The following DST variants were observed in gnomAD, a reference collection of about 807,000 sequenced individuals.
DST encodes bullous pemphigoid antigen.
A neutral mutation model predicts 875.2 loss-of-function variants in DST; 253 were observed. That is an observed-to-expected ratio of 0.29 (90% CI 0.26 to 0.32). The LOEUF (loss-of-function observed/expected upper bound fraction) is 0.32. Ranked by LOEUF, DST falls within the 10% of genes least tolerant of loss-of-function variation. The probability of loss-of-function intolerance (pLI) is 1.00; values close to 1 mark genes in which losing one functional copy is unlikely to be tolerated. For synonymous variants in DST, 3,124 were observed against 3,197.1 expected (o/e 0.98, Z 0.77); for missense variants, 8,287 against 9,111.6 (o/e 0.91, Z 3.68).
At chr6:56,683,561 G>A (rs4073960) in intron 9 of DST, among the ~76,000 whole-genome samples, 41,144 of 151,992 alleles carry the variant, frequency 0.27, 7,244 homozygotes, top group African/African-American at 0.49. Flanking sequence ...TTCTCCCCAT[G>A]CTCAACGTGA....
At chr6:56,921,348 A>G (rs1371096593) in intron 2 of DST, among the ~76,000 whole-genome samples, 2 of 152,222 alleles carry the variant, frequency 1.3e-5, no homozygotes, top group African/African-American at 2.4e-5. Context: ...AGAAATATCA[A>G]CACCTTCAGA....
chr6:56,804,787 G>A (rs2099751230), intron 4 of DST, among the ~76,000 whole-genome samples: 1 of 152,046 alleles, frequency 6.6e-6, no homozygotes, highest in Admixed American at 6.6e-5. Context: ...GCCCATTACT[G>A]ATTCATAAAA....
At chr6:56,641,820 C>A in intron 17 of DST, 127 bp downstream of exon 17, 1 of 732,596 alleles carries the variant, frequency 1.4e-6, no homozygotes, top group Non-Finnish European at 2.1e-6. Flanking sequence ...ATGTGACACA[C>A]ATTTTCAACT....
At position 56,517,576 on chromosome 6, in the gene DST, T is replaced by A. The variant is rs776341010; in HGVS notation, c.18174A>T (p.Thr6058=). 1 of 1,613,358 alleles carries A rather than the reference T, an allele frequency of 6.2e-7. No homozygotes were observed. ...CACCCAGAGACATCAATTTTTTTTC[T>A]GTTTCAGTAATCCAGGATAACTCAG... ...ADAELSWITE[T]EKKLMSLGDI... The change falls in exon 70 of 104, where the codon ACA becomes ACT. Residue 6058 remains threonine (T), a synonymous_variant. Transcript: ENST00000680361.
intron 87 of DST, 74 bp from the exon 88 acceptor site, chr6:56,485,545 TTG>T: frequency 1.4e-6 from 2 of 1,405,262 alleles, no homozygotes; most frequent in East Asian, 4.9e-5. Context: ...CTAAAATTAA[TTG>T]ATGAAGGTTG....
At chr6:56,494,957 T>C (rs1019963395) in intron 82 of DST, among the ~76,000 whole-genome samples, 3 of 151,998 alleles carry the variant, frequency 2.0e-5, no homozygotes, top group African/African-American at 7.2e-5. Flanking sequence ...TTCAACTTTA[T>C]ACGTTTTAAA....
intron 24 of DST, among the ~76,000 whole-genome samples, chr6:56,635,293 G>A (rs1260587742): frequency 1.3e-5 from 2 of 152,030 alleles, no homozygotes; most frequent in African/African-American, 4.8e-5. Flanking sequence ...ACCTAAAACA[G>A]TGCCCAGGAT....
intron 88 of DST, 98 bp downstream of exon 88, chr6:56,485,214 A>T (rs2095522717): frequency 2.2e-6 from 3 of 1,334,676 alleles, no homozygotes; most frequent in Non-Finnish European, 3.2e-6. Flanking sequence ...TATGATCTAT[A>T]GTCTTCTGAT....
chr6:56,790,169 C>T (rs1339683168), intron 4 of DST, among the ~76,000 whole-genome samples: 2 of 152,046 alleles, frequency 1.3e-5, no homozygotes, highest in Non-Finnish European at 2.9e-5. Flanking sequence ...TTCTCCAGAG[C>T]CGGAATTTTT....
intron 10 of DST, among the ~76,000 whole-genome samples, chr6:56,658,128 T>C (rs2099019842): frequency 6.6e-6 from 1 of 152,100 alleles, no homozygotes; most frequent in African/African-American, 2.4e-5. Context: ...AGTGGCGCAA[T>C]CTCGGCTCAC....
chr6:56,947,251 T>TC (rs572797589), intron 2 of DST, among the ~76,000 whole-genome samples: 3 of 3,376 alleles, frequency 8.9e-4, no homozygotes, highest in African/African-American at 1.4e-3. Context: ...CTACTCTCTC[T>TC]TTTTTTTTTT....
In DST at chr6:56,578,802, T is replaced by C. The variant is rs2097914508; in HGVS notation, c.13027+12A>G. On this transcript the variant is annotated intron_variant, in intron 50 of 103. Transcript: ENST00000680361. ...ACCTGTGAGACAGGAAGCAAGGACA[T>C]GAATATCTTACCAAGTGTTTTCTGG... 2.5e-6 allele frequency: 4 copies of C among 1,611,354 alleles called. No homozygotes were observed. The highest frequency in any genetic ancestry group is 3.4e-6 in the Non-Finnish European group (4 of 1,178,816).
rs762200462 is a variant in DST at position 56,639,607 on chromosome 6, G to A, written c.2702C>T (p.Thr901Ile). ...AAGGTGCCGTTCTTGATTCCTGGAT[G>A]TATTCTTTAGTAAGGAAAATCATCA... is the stretch of plus-strand genomic sequence containing the variant. ...LESQYAKLLN[T>I]SRNQERHLDT... The change falls in exon 21 of 104, where the codon ACA becomes ATA. Residue 901 changes from threonine to isoleucine, a missense_variant. Around this residue, in one of 10 missense-constraint regions of DST, gnomAD observed 1,160 missense variants for 1,424.3 expected, o/e 0.81. Transcript: ENST00000680361. 1.2e-6 allele frequency: 2 copies of A among 1,613,502 alleles called. No individual in the cohort carries two copies. Among genetic ancestry groups the A allele is most frequent in the South Asian group, 2.2e-5 (2 of 91,060 alleles).
chr6:56,826,859 A>G (rs1023306081), intron 4 of DST, among the ~76,000 whole-genome samples: 1 of 152,226 alleles, frequency 6.6e-6, no homozygotes, highest in Non-Finnish European at 1.5e-5. Context: ...ATGTGTCTTC[A>G]GCAGCATCCT....
intron 3 of DST, among the ~76,000 whole-genome samples, chr6:56,891,678 G>A (rs2127663114): frequency 6.6e-6 from 1 of 151,984 alleles, no homozygotes; most frequent in South Asian, 2.1e-4. Context: ...AGGCTGCAGT[G>A]AGCCGTGATT....
chr6:56,498,168 T>C, intron 80 of DST, 115 bp from the exon 81 acceptor site: 1 of 1,041,790 alleles, frequency 9.6e-7, no homozygotes, highest in Admixed American at 2.5e-5. Context: ...ACGTTATATG[T>C]GTAGAATTTT....
intron 2 of DST, among the ~76,000 whole-genome samples, chr6:56,926,558 G>A (rs893974166): frequency 1.3e-5 from 2 of 152,182 alleles, no homozygotes; most frequent in African/African-American, 4.8e-5. Flanking sequence ...ACAAAGTCAA[G>A]GAAAGACCTG....
At chr6:56,908,347 T>A (rs1361490402) in intron 2 of DST, among the ~76,000 whole-genome samples, 1 of 152,138 alleles carries the variant, frequency 6.6e-6, no homozygotes, top group Non-Finnish European at 1.5e-5. Context: ...GTCAACGAAC[T>A]TGGATGCAGA....
intron 49 of DST, among the ~76,000 whole-genome samples, chr6:56,580,989 C>T (rs2097973744): frequency 6.8e-6 from 1 of 148,100 alleles, no homozygotes; most frequent in Non-Finnish European, 1.5e-5. Flanking sequence ...CCCACCTCGG[C>T]CGTCCAAAGT....
Sources: gnomAD v4.1 joint callset for allele counts (sites outside exome capture counted in the v4.1 genomes callset) on GRCh38, gnomAD v4.1.1 for gene constraint, gnomAD v4.1.1 regional missense constraint, MANE v1.5 for transcripts, NCBI Gene and HGNC (gene_info 2026-07-23, HGNC 2026-07-21) for gene names.